The following CCDC82 variants were observed in gnomAD, a reference collection of about 807,000 sequenced individuals.
CCDC82 encodes the protein coiled-coil domain-containing protein 82.
Under a neutral mutation model 60.6 loss-of-function variants are expected in CCDC82, and 47 were observed. The ratio of observed to expected loss-of-function variants is 0.77; its 90% confidence interval spans 0.61 to 0.99. The LOEUF (loss-of-function observed/expected upper bound fraction) is 0.99, where lower values mean the gene tolerates loss of function less well. Ranked by LOEUF, CCDC82 falls within the 50% of genes least tolerant of loss-of-function variation. The probability of loss-of-function intolerance (pLI) is 0.00; values close to 1 mark genes in which losing one functional copy is unlikely to be tolerated. For synonymous variants in CCDC82, 212 were observed against 207.4 expected (o/e 1.02, Z -0.19); for missense variants, 588 against 633.0 (o/e 0.93, Z 0.76).
At chr11:96,371,544 T>C (rs1390869984) in intron 6 of CCDC82, among the ~76,000 whole-genome samples, 1 of 152,252 alleles carries the variant, frequency 6.6e-6, no homozygotes, top group Non-Finnish European at 1.5e-5. Flanking sequence ...ATCGCACCAC[T>C]GTACTCCAGC....
At chr11:96,371,225 G>C in intron 6 of CCDC82, 88 bp from the exon 7 acceptor site, 1 of 856,640 alleles carries the variant, frequency 1.2e-6, no homozygotes, top group African/African-American at 1.8e-5. Context: ...TTCCCAACTT[G>C]GTTGGAAGCA....
chr11:96,356,625 T>C, intron 9 of CCDC82: 9 of 967,638 alleles, frequency 9.3e-6, no homozygotes, highest in Non-Finnish European at 1.1e-5. Flanking sequence ...AACTCTTCTT[T>C]AGAATAAGAC....
intron 5 of CCDC82, among the ~76,000 whole-genome samples, chr11:96,375,623 G>C (rs756320742): frequency 4.6e-5 from 7 of 152,102 alleles, no homozygotes; most frequent in Admixed American, 6.5e-5. Flanking sequence ...ATTCATTTCT[G>C]GTTGAGAAAA....
At chr11:96,388,380 T>C (rs1294252797) in intron 1 of CCDC82, 2 of 152,198 alleles carry the variant, frequency 1.3e-5, no homozygotes, top group Non-Finnish European at 2.9e-5. Flanking sequence ...AATGATACCT[T>C]ACCTTTAAGC....
chr11:96,373,277 A>G lies in CCDC82; in HGVS notation c.1084+98T>C, dbSNP rs1591194096. On this transcript the variant is annotated intron_variant, in intron 6 of 9. Transcript: ENST00000646818. ...TTGGAAGGTCTTACAAATGATCCTC[A>G]TTGGTTTTGTTTAATCTACATAGTT... The G allele has an allele frequency of 1.9e-5, 13 of 697,276 alleles. No individual in the cohort carries two copies. In the South Asian group the frequency reaches 2.4e-4, roughly 13 times the overall value. 43.2% of individuals were successfully genotyped at this position (697,276 alleles called of 1,614,324 possible). A position where few individuals can be genotyped will look rare whatever the true frequency, so the allele number is the denominator to read the frequency against.
rs1023927860 is a variant in CCDC82, at chr11:96,388,834, T to C, written c.-139+1010A>G. 22 of 152,220 alleles carry C rather than the reference T, an allele frequency of 1.4e-4. 1 individual carries two copies. Among genetic ancestry groups the C allele is most frequent in the African/African-American group, 4.3e-4 (18 of 41,442 alleles). 9.4% of individuals were successfully genotyped at this position (152,220 alleles called of 1,614,324 possible). Reference sequence around the variant, plus strand: ...ATCACTCCTCTTCGATGTTTTCTTTTATATGGCAGTTTGGAGAGCAAAGAT... The same window carrying C: ...ATCACTCCTCTTCGATGTTTTCTTTCATATGGCAGTTTGGAGAGCAAAGAT... On this transcript the variant is annotated intron_variant, in intron 1 of 9. Transcript: ENST00000646818.
At position 96,371,049 on chromosome 11, in the gene CCDC82, G is replaced by A; in HGVS notation, c.1173C>T (p.Ser391=). 8.7e-6 allele frequency: 14 copies of A among 1,600,956 alleles called. No homozygotes were observed. The highest frequency in any genetic ancestry group is 1.1e-5 in the South Asian group (1 of 87,658). ...DNRFVQPRLE[S]LVSRSRWKEQ... Reference sequence around the variant, plus strand: ...CTTTCCAACGACTTCTAGATACCAAGCTCTCTAGACGAGGCTGAACAAAGC... The same window carrying A: ...CTTTCCAACGACTTCTAGATACCAAACTCTCTAGACGAGGCTGAACAAAGC... The change falls in exon 7 of 10, where the codon AGC becomes AGT. Residue 391 remains serine (S), a synonymous_variant. Coordinates refer to ENST00000646818, the MANE Select transcript of CCDC82 (RefSeq NM_024725.4).
chr11:96,359,201 T>C, intron 8 of CCDC82, 23 bp from the exon 9 acceptor site: 1 of 1,539,282 alleles, frequency 6.5e-7, no homozygotes, highest in South Asian at 1.3e-5. Flanking sequence ...ATAAAGATTG[T>C]TATCTGACAA....
chr11:96,377,686 T>C (rs1470090446), intron 5 of CCDC82, among the ~76,000 whole-genome samples: 1 of 152,104 alleles, frequency 6.6e-6, no homozygotes, highest in African/African-American at 2.4e-5. Context: ...TAATGTGATA[T>C]ATTAATGTAA....
chr11:96,370,859 C>T (rs1301387344), intron 7 of CCDC82, among the ~76,000 whole-genome samples, 154 bp downstream of exon 7: 1 of 152,140 alleles, frequency 6.6e-6, no homozygotes, highest in Non-Finnish European at 1.5e-5. Flanking sequence ...AGGATTAAAA[C>T]AATAATAACT....
chr11:96,357,624 T>C, intron 9 of CCDC82: 1 of 979,510 alleles, frequency 1.0e-6, no homozygotes, highest in Non-Finnish European at 1.2e-6. Context: ...TACTATTATA[T>C]AACATATACA....
At chr11:96,369,433 T>C (rs897272365) in intron 7 of CCDC82, among the ~76,000 whole-genome samples, 5 of 152,182 alleles carry the variant, frequency 3.3e-5, no homozygotes, top group Non-Finnish European at 5.9e-5. Context: ...TTCCTTTCAC[T>C]TGAACGATCA....
chr11:96,363,602 A>T (rs917608238), intron 8 of CCDC82: 4 of 152,212 alleles, frequency 2.6e-5, no homozygotes, highest in African/African-American at 9.6e-5. Flanking sequence ...CTCTTTACTG[A>T]ACTGCTTTGC....
chr11:96,382,610 G>A (rs181502309), intron 5 of CCDC82: 101 of 151,966 alleles, frequency 6.6e-4, no homozygotes, highest in African/African-American at 2.3e-3. Context: ...TGTAATGCAA[G>A]TACTAAAAGT....
rs933038676 is a variant in CCDC82 at position 96,389,905 on chromosome 11, C to G, written c.-200G>C. On this transcript the variant is annotated 5_prime_UTR_variant, in exon 1 of 10. Coordinates refer to ENST00000646818, the MANE Select transcript of CCDC82 (RefSeq NM_024725.4). ...CCCTGCCCCGGCAACCAGCTCAGGA[C>G]AAGCGATGCTCCTCCCCCCCTTCCG... 2.0e-5 allele frequency: 3 copies of G among 152,838 alleles called. No homozygotes were observed. Among genetic ancestry groups the G allele is most frequent in the East Asian group, 3.8e-4 (2 of 5,226 alleles). The allele number at this position is 152,838 out of a possible 1,614,324, so 9.5% of individuals were successfully genotyped here. A position where few individuals can be genotyped will look rare whatever the true frequency, so the allele number is the denominator to read the frequency against.
At chr11:96,359,991 T>C (rs1864557099) in intron 8 of CCDC82, among the ~76,000 whole-genome samples, 2 of 151,280 alleles carry the variant, frequency 1.3e-5, no homozygotes, top group African/African-American at 4.8e-5. Flanking sequence ...AGAACTCTTT[T>C]TATGAAATCA....
intron 9 of CCDC82, chr11:96,353,986 A>C: frequency 3.9e-6 from 1 of 258,176 alleles, no homozygotes. Flanking sequence ...TATTATCATG[A>C]TTACAGTAGA....
At chr11:96,385,177 C>T (rs1386252868) in intron 3 of CCDC82, 2 of 156,138 alleles carry the variant, frequency 1.3e-5, no homozygotes, top group Non-Finnish European at 2.8e-5. Flanking sequence ...AAGTGCTTCA[C>T]TTTATCTTGA....
chr11:96,365,235 G>A (rs890068782), intron 7 of CCDC82, 85 bp from the exon 8 acceptor site: 1 of 876,422 alleles, frequency 1.1e-6, no homozygotes, highest in Non-Finnish European at 1.7e-6. Flanking sequence ...ACATCTTAGG[G>A]ATTACAATAC....
Sources: gnomAD v4.1 joint callset for allele counts (sites outside exome capture counted in the v4.1 genomes callset) on GRCh38, gnomAD v4.1.1 for gene constraint, MANE v1.5 for transcripts, NCBI Gene and HGNC (gene_info 2026-07-23, HGNC 2026-07-21) for gene names.